MECOM: variants seen among roughly 807,000 people sequenced by gnomAD.
The protein encoded by MECOM is MDS1 and EVI1 complex locus, also known as histone-lysine N-methyltransferase MECOM.
MECOM carries 13 observed loss-of-function variants against 116.3 expected under a neutral mutation model. The observed-to-expected ratio is 0.11, with a 90% CI of 0.07 to 0.18. The LOEUF is 0.18. Ranked by LOEUF, MECOM falls within the 10% of genes least tolerant of loss-of-function variation. The pLI is 1.00. For missense variants in MECOM, 1,299 were observed against 1,509.0 expected (o/e 0.86, Z 2.31); for synonymous variants, 528 against 535.2 (o/e 0.99, Z 0.19).
chr3:169,096,779 G>C (rs1721631460), intron 12 of MECOM, among the ~76,000 whole-genome samples: 1 of 151,932 alleles, frequency 6.6e-6, no homozygotes, highest in Non-Finnish European at 1.5e-5. Flanking sequence ...CAGTTCAGTA[G>C]GAAAAATAAT....
rs999091766 is a variant in MECOM, at chr3:169,118,286, C to T, written c.1133-1547G>A. 2.0e-4 allele frequency among the ~76,000 whole-genome samples: 31 copies of T among 152,038 alleles called. 1 individual carries two copies. The highest frequency in any genetic ancestry group is 2.9e-5 in the Non-Finnish European group (2 of 68,000). On this transcript the variant is annotated intron_variant, in intron 7 of 16. Coordinates refer to ENST00000651503, the MANE Select transcript of MECOM (RefSeq NM_004991.4). Reference sequence around the variant, plus strand: ...AAAGTGTTTGGTAATATTAAAGGTGCCTTCAATTGTGGGATGAATCACAAC... The same window carrying T: ...AAAGTGTTTGGTAATATTAAAGGTGTCTTCAATTGTGGGATGAATCACAAC...
Position 169,434,572 on chromosome 3 carries a change from AC to A in MECOM, c.38-53049del, listed in dbSNP as rs573754598. ...AAGAATCATGGACTATCAAAATGAA[AC>A]AAAAAGACAGCAGATTTATTTCTAT... On this transcript the variant is annotated intron_variant, in intron 1 of 16. Transcript: ENST00000651503. Among the ~76,000 whole-genome samples the A allele has an allele frequency of 2.6e-5, 4 of 152,330 alleles. No homozygotes were observed. The South Asian group carries it at 8.3e-4, about 32-fold the overall frequency.
rs574056623 is a variant in MECOM, at chr3:169,233,590, A to T, written c.376-89758T>A. The stretch of plus-strand genomic sequence containing the variant: ...TAGACCCAGTTGTGCGCAGATAAGC[A>T]GTTCCATACACACACAACTAATTGC... On this transcript the variant is annotated intron_variant, in intron 2 of 16. Transcript: ENST00000651503. 3.9e-5 allele frequency among the ~76,000 whole-genome samples: 6 copies of T among 152,280 alleles called. No homozygotes were observed. In the East Asian group the frequency reaches 9.6e-4, roughly 24 times the overall value.
intron 1 of MECOM, among the ~76,000 whole-genome samples, chr3:169,435,072 T>C (rs866245180): frequency 2.6e-5 from 4 of 152,210 alleles, no homozygotes; most frequent in Non-Finnish European, 4.4e-5. Context: ...CTGAAAAAGA[T>C]AATTTAAAAA....
chr3:169,190,767 G>C (rs1452207667), intron 2 of MECOM, among the ~76,000 whole-genome samples: 1 of 152,028 alleles, frequency 6.6e-6, no homozygotes, highest in Non-Finnish European at 1.5e-5. Flanking sequence ...ACTCAGAGAA[G>C]TTTGGAATAG....
chr3:169,231,836 T>C (rs1360900312), intron 2 of MECOM, among the ~76,000 whole-genome samples: 2 of 152,142 alleles, frequency 1.3e-5, no homozygotes, highest in Non-Finnish European at 2.9e-5. Flanking sequence ...TAATTCATTG[T>C]TTAATGAAGT....
chr3:169,450,459 C>G (rs1225596315), intron 1 of MECOM, among the ~76,000 whole-genome samples: 1 of 151,986 alleles, frequency 6.6e-6, no homozygotes, highest in East Asian at 1.9e-4. Flanking sequence ...CCAAGCAAAT[C>G]TTGAAGGAAA....
At chr3:169,651,632 G>C (rs1340880209) in intron 1 of MECOM, among the ~76,000 whole-genome samples, 1 of 152,124 alleles carries the variant, frequency 6.6e-6, no homozygotes, top group East Asian at 1.9e-4. Flanking sequence ...ATGGACTTGG[G>C]GGGAAGGGTG....
At chr3:169,189,020 T>C (rs1747151666) in intron 2 of MECOM, among the ~76,000 whole-genome samples, 1 of 152,054 alleles carries the variant, frequency 6.6e-6, no homozygotes, top group South Asian at 2.1e-4. Flanking sequence ...CCCCAAATTG[T>C]TTGGTAATAA....
At chr3:169,263,350 G>A (rs1476694021) in intron 2 of MECOM, among the ~76,000 whole-genome samples, 4 of 151,196 alleles carry the variant, frequency 2.6e-5, no homozygotes, top group East Asian at 2.0e-4. Context: ...AGATGGTCTC[G>A]ATCTCCTGAC....
intron 2 of MECOM, among the ~76,000 whole-genome samples, chr3:169,203,116 A>G (rs936470068): frequency 1.1e-4 from 16 of 152,170 alleles, no homozygotes; most frequent in Non-Finnish European, 1.8e-4. Flanking sequence ...AGGTGAGCCT[A>G]TGAACTTCGT....
At chr3:169,597,025 T>G (rs1577047786) in intron 1 of MECOM, among the ~76,000 whole-genome samples, 1 of 152,128 alleles carries the variant, frequency 6.6e-6, no homozygotes, top group East Asian at 1.9e-4. Flanking sequence ...AAGAGGTGCA[T>G]GTTTCCAAGC....
intron 8 of MECOM, among the ~76,000 whole-genome samples, chr3:169,114,648 C>T (rs1265477911): frequency 6.6e-6 from 1 of 151,772 alleles, no homozygotes; most frequent in Non-Finnish European, 1.5e-5. Context: ...AAATATGTAA[C>T]AAACATATTA....
At chr3:169,619,257 T>G (rs546836318) in intron 1 of MECOM, among the ~76,000 whole-genome samples, 1 of 152,160 alleles carries the variant, frequency 6.6e-6, no homozygotes, top group Non-Finnish European at 1.5e-5. Context: ...TTAGTGCCGC[T>G]GTGCTGAGAA....
intron 2 of MECOM, among the ~76,000 whole-genome samples, chr3:169,210,979 T>C (rs1267072602): frequency 1.3e-5 from 2 of 152,182 alleles, no homozygotes; most frequent in Non-Finnish European, 2.9e-5. Flanking sequence ...TTGTTTATTC[T>C]AGTACATGAA....
intron 1 of MECOM, among the ~76,000 whole-genome samples, chr3:169,388,178 A>T (rs1443471946): frequency 6.6e-6 from 1 of 152,112 alleles, no homozygotes; most frequent in Non-Finnish European, 1.5e-5. Context: ...CAAGTCCATG[A>T]GCTGATGCCT....
At chr3:169,384,231 T>A (rs1222479638) in intron 1 of MECOM, among the ~76,000 whole-genome samples, 2 of 152,162 alleles carry the variant, frequency 1.3e-5, no homozygotes, top group Non-Finnish European at 2.9e-5. Flanking sequence ...AAACTATGAA[T>A]CCAAATCAAT....
At chr3:169,441,198 G>A (rs1743609119) in intron 1 of MECOM, among the ~76,000 whole-genome samples, 1 of 152,144 alleles carries the variant, frequency 6.6e-6, no homozygotes. Flanking sequence ...GGCCCTCCAG[G>A]AGAAATTCAA....
intron 2 of MECOM, among the ~76,000 whole-genome samples, chr3:169,211,954 A>G (rs543064085): frequency 1.3e-5 from 2 of 152,190 alleles, no homozygotes; most frequent in South Asian, 4.2e-4. Context: ...AGTTGCCTCT[A>G]TCCCCAAAAT....
Sources: gnomAD v4.1 joint callset for allele counts (sites outside exome capture counted in the v4.1 genomes callset) on GRCh38, gnomAD v4.1.1 for gene constraint, MANE v1.5 for transcripts, NCBI Gene and HGNC (gene_info 2026-07-23, HGNC 2026-07-21) for gene names.